SNX9: variants seen among roughly 807,000 people sequenced by gnomAD.
SNX9 encodes sorting nexin-9.
A neutral mutation model predicts 89.4 loss-of-function variants in SNX9; 44 were observed. The observed-to-expected ratio is 0.49, with a 90% CI of 0.39 to 0.63. The LOEUF (loss-of-function observed/expected upper bound fraction) is 0.63, where lower values mean the gene tolerates loss of function less well. Ranked by LOEUF, SNX9 falls within the 30% of genes least tolerant of loss-of-function variation. The pLI is 0.00. For synonymous variants in SNX9, 236 were observed against 247.8 expected, an observed-to-expected ratio of 0.95 and a Z score of 0.45; for missense variants, 578 against 736.1, an observed-to-expected ratio of 0.79 and a Z score of 2.49.
intron 1 of SNX9, among the ~76,000 whole-genome samples, chr6:157,836,380 C>T (rs1203084246): frequency 6.6e-6 from 1 of 152,118 alleles, no homozygotes; most frequent in Admixed American, 6.6e-5. Flanking sequence ...CTCTTCTATA[C>T]AGAAAGATAT....
chr6:157,831,795 T>C (rs925063006), intron 1 of SNX9, among the ~76,000 whole-genome samples: 1 of 152,224 alleles, frequency 6.6e-6, no homozygotes, highest in Admixed American at 6.5e-5. Context: ...AGCACTTCAG[T>C]TGTTTCAGTC....
chr6:157,941,675 G>T (rs1176428366), intron 17 of SNX9, among the ~76,000 whole-genome samples: 4 of 152,198 alleles, frequency 2.6e-5, no homozygotes, highest in African/African-American at 9.6e-5. Flanking sequence ...ATGTTCATGG[G>T]GAGTGGTGAG....
chr6:157,924,194 C>T (rs1783641690), intron 10 of SNX9, among the ~76,000 whole-genome samples: 1 of 151,676 alleles, frequency 6.6e-6, no homozygotes, highest in African/African-American at 2.4e-5. Flanking sequence ...AAAACTCTGT[C>T]TCAAATATAT....
At chr6:157,898,900 C>T (rs767161577) in intron 5 of SNX9, among the ~76,000 whole-genome samples, 1 of 152,152 alleles carries the variant, frequency 6.6e-6, no homozygotes, top group Non-Finnish European at 1.5e-5. Context: ...TGGGTAGAAG[C>T]GTTGGGAGAC....
At chr6:157,828,546 T>C (rs1781424664) in intron 1 of SNX9, among the ~76,000 whole-genome samples, 1 of 152,070 alleles carries the variant, frequency 6.6e-6, no homozygotes, top group Non-Finnish European at 1.5e-5. Context: ...CAGGCTGGAG[T>C]GCAGTGGCAC....
At chr6:157,934,883 C>T (rs1035532829) in intron 13 of SNX9, among the ~76,000 whole-genome samples, 6 of 152,132 alleles carry the variant, frequency 3.9e-5, no homozygotes, top group African/African-American at 1.4e-4. Context: ...TGGCACCAAT[C>T]GTAAGGTCCA....
intron 9 of SNX9, 23 bp downstream of exon 9, chr6:157,910,048 C>A: frequency 7.1e-6 from 11 of 1,558,238 alleles, no homozygotes; most frequent in Non-Finnish European, 9.7e-6. Context: ...AATGCTAAAC[C>A]CAGGATGACA....
At chr6:157,824,945 C>G (rs1781312393) in intron 1 of SNX9, among the ~76,000 whole-genome samples, 1 of 152,126 alleles carries the variant, frequency 6.6e-6, no homozygotes, top group South Asian at 2.1e-4. Flanking sequence ...ATCTTGCAAC[C>G]TTAAAAGCGG....
At chr6:157,870,810 TCAGA>T (rs928689207) in intron 2 of SNX9, among the ~76,000 whole-genome samples, 42 of 146,810 alleles carry the variant, frequency 2.9e-4, no homozygotes, top group South Asian at 8.7e-4. Context: ...CACACACCCC[TCAGA>T]CACTCTCACC....
intron 13 of SNX9, among the ~76,000 whole-genome samples, chr6:157,933,539 C>G (rs180885326): frequency 1.2e-4 from 18 of 152,328 alleles, no homozygotes; most frequent in African/African-American, 3.6e-4. Context: ...CCATGTCTTA[C>G]AGTTGACACT....
Position 157,928,594 on chromosome 6 carries a change from C to T in SNX9, c.1185-5C>T, listed in dbSNP as rs969063317. On this transcript the variant is annotated splice_polypyrimidine_tract_variant and splice_region_variant and intron_variant, in intron 11 of 17. Transcript: ENST00000392185. ...TATGTGACTGACGGCCGCCTTCACC[C>T]ACAGAGAGCAGAAGTGCGAGGCTGT... 1 of 1,602,190 alleles carries T rather than the reference C, an allele frequency of 6.2e-7. No homozygotes were observed.
chr6:157,834,641 A>G (rs559785458), intron 1 of SNX9, among the ~76,000 whole-genome samples: 9 of 151,788 alleles, frequency 5.9e-5, no homozygotes, highest in African/African-American at 2.2e-4. Context: ...AGCCTCCCAA[A>G]CTGTTAGTGT....
chr6:157,924,640 T>G (rs1383211381), intron 10 of SNX9: 1 of 152,886 alleles, frequency 6.5e-6, no homozygotes, highest in East Asian at 1.9e-4. Flanking sequence ...AGGTCATTTC[T>G]TATTTAGAGG....
intron 1 of SNX9, chr6:157,829,021 T>C (rs964413351): frequency 6.6e-6 from 1 of 152,196 alleles, no homozygotes; most frequent in Non-Finnish European, 1.5e-5. Context: ...GTGACTCGAT[T>C]ATTGAAGTAG....
At chr6:157,846,916 G>A (rs1410223037) in intron 1 of SNX9, among the ~76,000 whole-genome samples, 3 of 152,108 alleles carry the variant, frequency 2.0e-5, no homozygotes, top group African/African-American at 7.2e-5. Flanking sequence ...GCATGGTGAC[G>A]TGTGCCTGCA....
intron 4 of SNX9, among the ~76,000 whole-genome samples, chr6:157,888,506 G>C (rs1384151220): frequency 1.3e-5 from 2 of 152,144 alleles, no homozygotes; most frequent in African/African-American, 4.8e-5. Context: ...GAATGTGCTG[G>C]TTTTAGTTAA....
intron 4 of SNX9, among the ~76,000 whole-genome samples, chr6:157,894,515 G>T (rs1312907989): frequency 6.6e-6 from 1 of 150,880 alleles, no homozygotes; most frequent in Non-Finnish European, 1.5e-5. Context: ...TTGCCTCAAG[G>T]GTGGGATGGT....
At chr6:157,874,719 C>A in intron 3 of SNX9, 1 of 199,266 alleles carries the variant, frequency 5.0e-6, no homozygotes, top group Non-Finnish European at 1.0e-5. Flanking sequence ...AGAAATCATA[C>A]AGTGTCTGCC....
rs1479505457 is a variant in SNX9, at chr6:157,944,905, G to C, written c.*2067G>C. The stretch of plus-strand genomic sequence containing the variant: ...GAGAATCCACGGGATTTGATGCCTG[G>C]AAGATTCTCCTTCAAGTGGCAACAT... On this transcript the variant is annotated 3_prime_UTR_variant, in exon 18 of 18. Transcript: ENST00000392185. 1 of 152,226 alleles carries C rather than the reference G, an allele frequency of 6.6e-6. No homozygotes were observed. Among genetic ancestry groups the C allele is most frequent in the Non-Finnish European group, 1.5e-5 (1 of 68,032 alleles). The allele number at this position is 152,226 out of a possible 1,614,324, so 9.4% of individuals were successfully genotyped here. A position where few individuals can be genotyped will look rare whatever the true frequency, so the allele number is the denominator to read the frequency against.
Sources: gnomAD v4.1 joint callset for allele counts (sites outside exome capture counted in the v4.1 genomes callset) on GRCh38, gnomAD v4.1.1 for gene constraint, MANE v1.5 for transcripts, NCBI Gene and HGNC (gene_info 2026-07-23, HGNC 2026-07-21) for gene names.